The following SPATA22 variants were observed in gnomAD, a reference collection of about 807,000 sequenced individuals.
The protein encoded by SPATA22 is spermatogenesis associated 22, also known as spermatogenesis-associated protein 22.
SPATA22 carries 29 observed loss-of-function variants against 47.8 expected under a neutral mutation model. The observed-to-expected ratio is 0.61, with a 90% CI of 0.45 to 0.83. The LOEUF is 0.83. Ranked by LOEUF, SPATA22 falls within the 40% of genes least tolerant of loss-of-function variation. The pLI is 0.00. For missense variants in SPATA22, 410 were observed against 421.7 expected (o/e 0.97, Z 0.24); for synonymous variants, 133 against 140.9 (o/e 0.94, Z 0.40).
At chr17:3,480,173 T>C (rs548969444) in intron 1 of SPATA22, among the ~76,000 whole-genome samples, 2 of 152,328 alleles carry the variant, frequency 1.3e-5, no homozygotes, top group East Asian at 3.9e-4. Flanking sequence ...GGCAGGAGGA[T>C]TGCCTGAGGC....
rs544731124 is a variant in SPATA22, at chr17:3,509,261, G to A, written c.-74+4151C>T. ...ATGCAGGTTTGTTACATAGGTATAC[G>A]TGTGCCATGGTGCTTTGCTGCACCT... On this transcript the variant is annotated intron_variant, in intron 1 of 8. Coordinates refer to the SPATA22 transcript ENST00000541913. Among the ~76,000 whole-genome samples the A allele has an allele frequency of 4.7e-4, 72 of 151,688 alleles. 4 individuals carry two copies. The South Asian group carries it at 0.015, about 31-fold the overall frequency.
chr17:3,478,714 G>A (rs773938052), intron 1 of SPATA22, among the ~76,000 whole-genome samples: 10 of 152,114 alleles, frequency 6.6e-5, no homozygotes, highest in South Asian at 2.1e-4. Flanking sequence ...TGTTCCCAGC[G>A]TGGTTGAAAA....
At position 3,446,528 on chromosome 17, in the gene SPATA22, C is replaced by A. The variant is rs1423812888; in HGVS notation, c.746G>T (p.Ser249Ile). Residue 249 changes from serine (S) to isoleucine (I), a missense_variant, in exon 7 of 9, where the codon AGC becomes ATC. By Grantham distance (142) the Ser-to-Ile change is moderately radical. Coordinates refer to ENST00000572969, the MANE Select transcript of SPATA22 (RefSeq NM_001170698.2). ...TGCATGTTCACGCCAATACTTCATG[C>A]TTTCAATAACTGCAGAAATAATTCT... ...SLRIISAVIE[S>I]MKYWREHAQK... The A allele has an allele frequency of 6.2e-7, 1 of 1,609,028 alleles. No homozygotes were observed. Among genetic ancestry groups the A allele is most frequent in the South Asian group, 1.1e-5 (1 of 90,072 alleles).
intron 3 of SPATA22, among the ~76,000 whole-genome samples, chr17:3,465,018 G>C (rs1328199116): frequency 1.6e-5 from 2 of 127,980 alleles, no homozygotes; most frequent in East Asian, 4.4e-4. Flanking sequence ...GGAGGGAGGT[G>C]GGGGGGTCAG....
chr17:3,486,445 G>A (rs944387619), intron 1 of SPATA22, among the ~76,000 whole-genome samples: 1 of 152,100 alleles, frequency 6.6e-6, no homozygotes, highest in African/African-American at 2.4e-5. Context: ...CACCTGCTTT[G>A]CAATAGACAT....
intron 1 of SPATA22, among the ~76,000 whole-genome samples, chr17:3,486,352 AC>A (rs971893455): frequency 6.6e-6 from 1 of 152,218 alleles, no homozygotes; most frequent in Non-Finnish European, 1.5e-5. Context: ...ATCATCTGGA[AC>A]AAAAATAGTC....
At chr17:3,449,513 G>A (rs2072809068) in intron 5 of SPATA22, among the ~76,000 whole-genome samples, 1 of 151,966 alleles carries the variant, frequency 6.6e-6, no homozygotes, top group South Asian at 2.1e-4. Flanking sequence ...AGACTTTGAG[G>A]GCATTTACTT....
intron 5 of SPATA22, among the ~76,000 whole-genome samples, chr17:3,455,157 G>C (rs899279548): frequency 6.7e-6 from 1 of 149,968 alleles, no homozygotes; most frequent in African/African-American, 2.4e-5. Context: ...TTTTTTTCTT[G>C]TAAATTTGTT....
rs143084445 is a variant in SPATA22 at position 3,469,337 on chromosome 17, T to A, written c.-12A>T. 7 of 1,558,386 alleles carry A rather than the reference T, an allele frequency of 4.5e-6. No individual in the cohort carries two copies. The highest frequency in any genetic ancestry group is 1.7e-4 in the Middle Eastern group (1 of 5,992). On this transcript the variant is annotated 5_prime_UTR_variant, in exon 2 of 9. Transcript: ENST00000572969. ...AGGCTTCGCTTCATTTCCTTCAATA[T>A]CAAAATCTATAATTTTCTATTCAGC...
chr17:3,476,119 T>C, upstream of SPATA22: 1 of 1,566,974 alleles, frequency 6.4e-7, no homozygotes, highest in Non-Finnish European at 8.8e-7. Flanking sequence ...CTTTGATCTC[T>C]CTTCTGAATT....
upstream of SPATA22, chr17:3,476,382 C>T (rs770672838): frequency 1.2e-6 from 2 of 1,613,916 alleles, no homozygotes; most frequent in South Asian, 2.2e-5. Flanking sequence ...CATTTTTGAC[C>T]TTGAAAATCT....
intron 1 of SPATA22, among the ~76,000 whole-genome samples, chr17:3,507,608 C>A (rs11649929): frequency 6.6e-6 from 1 of 152,080 alleles, no homozygotes; most frequent in Non-Finnish European, 1.5e-5. Context: ...TTCAGAGAAC[C>A]TGGATCCTCC....
chr17:3,450,343 C>A (rs1040848896), intron 5 of SPATA22, among the ~76,000 whole-genome samples: 3 of 152,010 alleles, frequency 2.0e-5, no homozygotes, highest in African/African-American at 7.2e-5. Context: ...TAATTGGGTA[C>A]AAAGTTAGTA....
chr17:3,509,591 G>A (rs1247286566), intron 1 of SPATA22, among the ~76,000 whole-genome samples: 1 of 152,156 alleles, frequency 6.6e-6, no homozygotes. Context: ...TTGGTTCCAT[G>A]TCTTTGCTAT....
intron 7 of SPATA22, among the ~76,000 whole-genome samples, chr17:3,446,053 G>A (rs1264707431): frequency 1.3e-5 from 2 of 151,920 alleles, no homozygotes; most frequent in Non-Finnish European, 2.9e-5. Context: ...TTGGCTCATG[G>A]CCCCTTCCTC....
At position 3,460,442 on chromosome 17, in the gene SPATA22, T is replaced by G. The variant is rs534962744; in HGVS notation, c.329+2041A>C. ...TAATATCCTTATCTTCCCTTAAAAT[T>G]TATGCATTTATCTGAACCCGTTTGC... On this transcript the variant is annotated intron_variant, in intron 5 of 8. Transcript: ENST00000572969. 3.3e-5 allele frequency among the ~76,000 whole-genome samples: 5 copies of G among 152,226 alleles called. No homozygotes were observed. In the South Asian group the frequency reaches 1.0e-3, roughly 32 times the overall value.
chr17:3,476,386 A>C, upstream of SPATA22: 1 of 1,613,974 alleles, frequency 6.2e-7, no homozygotes, highest in Non-Finnish European at 8.5e-7. Flanking sequence ...TTTGACCTTG[A>C]AAATCTTGGG....
Position 3,498,986 on chromosome 17 carries a change from C to T in SPATA22, c.-74+14426G>A, listed in dbSNP as rs148081446. 203 of 1,614,078 alleles carry T rather than the reference C, an allele frequency of 1.3e-4. No individual in the cohort carries two copies. The highest frequency in any genetic ancestry group is 8.2e-4 in the Middle Eastern group (5 of 6,062). ...TGGGCGGAGACTGTACCGTGTACCCCGTGTTTGTGAATGAGGCCGCATATT... is the reference window on the plus strand; with the variant it reads ...TGGGCGGAGACTGTACCGTGTACCCTGTGTTTGTGAATGAGGCCGCATATT... On this transcript the variant is annotated intron_variant, in intron 1 of 8. Coordinates refer to the SPATA22 transcript ENST00000541913.
rs557405352 is a variant in SPATA22, at chr17:3,448,481, T to C, written c.672+326A>G. Reference sequence around the variant, plus strand: ...ATGTTTGCTGACCTCTGTTGAAAAATACTTAGAATGACATATCAAGAGCCT... The same window carrying C: ...ATGTTTGCTGACCTCTGTTGAAAAACACTTAGAATGACATATCAAGAGCCT... On this transcript the variant is annotated intron_variant, in intron 6 of 8. Transcript: ENST00000572969. Among the ~76,000 whole-genome samples the C allele has an allele frequency of 3.9e-4, 59 of 152,224 alleles. 2 individuals carry two copies. The South Asian group carries it at 0.012, about 32-fold the overall frequency.
Sources: gnomAD v4.1 joint callset for allele counts (sites outside exome capture counted in the v4.1 genomes callset) on GRCh38, gnomAD v4.1.1 for gene constraint, MANE v1.5 for transcripts, NCBI Gene and HGNC (gene_info 2026-07-23, HGNC 2026-07-21) for gene names.